Variants in CSMD1 observed in about 807,000 individuals in gnomAD.
The protein encoded by CSMD1 is CUB and sushi domain-containing protein 1.
A neutral mutation model predicts 417.5 loss-of-function variants in CSMD1; 213 were observed. The ratio of observed to expected loss-of-function variants is 0.51; its 90% confidence interval spans 0.46 to 0.57. The LOEUF is 0.57. Among genes scored for constraint, CSMD1 ranks in the 20% least tolerant of loss-of-function variants. CSMD1 has a pLI of 0.00. For missense variants in CSMD1, 6,923 were observed against 4,529.7 expected, an observed-to-expected ratio of 1.53 and a Z score of -15.17; for synonymous variants, 2,862 against 1,736.8, an observed-to-expected ratio of 1.65 and a Z score of -16.11.
chr8:3,238,720 A>G (rs1463505278), intron 26 of CSMD1, among the ~76,000 whole-genome samples: 1 of 152,192 alleles, frequency 6.6e-6, no homozygotes, highest in Non-Finnish European at 1.5e-5. Context: ...GTATTAAGGG[A>G]CTAAGAATTG....
intron 4 of CSMD1, among the ~76,000 whole-genome samples, chr8:4,014,909 A>G (rs1021550955): frequency 1.3e-5 from 2 of 152,208 alleles, no homozygotes; most frequent in African/African-American, 4.8e-5. Context: ...GCCACTTCTG[A>G]TTATTTTTTA....
At chr8:4,574,559 G>C (rs914019690) in intron 2 of CSMD1, among the ~76,000 whole-genome samples, 3 of 152,182 alleles carry the variant, frequency 2.0e-5, no homozygotes, top group Non-Finnish European at 4.4e-5. Context: ...GACGGGAGCT[G>C]TTCCTATTCG....
intron 3 of CSMD1, among the ~76,000 whole-genome samples, chr8:4,262,317 G>C (rs955671478): frequency 3.9e-5 from 6 of 152,042 alleles, no homozygotes; most frequent in Admixed American, 6.6e-5. Flanking sequence ...ACAGGCACTA[G>C]CCCTGCCTCT....
chr8:4,947,301 T>C (rs974866265), intron 1 of CSMD1, among the ~76,000 whole-genome samples: 2 of 152,206 alleles, frequency 1.3e-5, no homozygotes, highest in Non-Finnish European at 2.9e-5. Context: ...TAAGACCATT[T>C]GGTAGTTTGG....
chr8:4,638,076 A>C (rs889465517), intron 1 of CSMD1, among the ~76,000 whole-genome samples: 6 of 152,214 alleles, frequency 3.9e-5, no homozygotes, highest in African/African-American at 1.4e-4. Context: ...AAAAGAAAAT[A>C]TGCAACATTT....
At chr8:3,991,124 G>C (rs1484110314) in intron 5 of CSMD1, among the ~76,000 whole-genome samples, 3 of 152,228 alleles carry the variant, frequency 2.0e-5, no homozygotes, top group African/African-American at 7.2e-5. Flanking sequence ...AGAAAAGGTA[G>C]AGACTGGAAA....
intron 3 of CSMD1, among the ~76,000 whole-genome samples, chr8:4,247,371 A>G (rs1700099): frequency 0.77 from 116,500 of 152,024 alleles, 44,813 homozygotes; most frequent in East Asian, 1. Context: ...CTTACGAGTA[A>G]GGTAGAGTCA....
chr8:4,836,548 CAGAG>C (rs1800504418), intron 1 of CSMD1, among the ~76,000 whole-genome samples: 1 of 152,158 alleles, frequency 6.6e-6, no homozygotes, highest in African/African-American at 2.4e-5. Context: ...TATTTAGACA[CAGAG>C]AGGTTTGAAC....
chr8:3,352,039 A>T (rs1005439869), intron 21 of CSMD1, among the ~76,000 whole-genome samples: 1 of 151,978 alleles, frequency 6.6e-6, no homozygotes, highest in East Asian at 1.9e-4. Flanking sequence ...AGAAAATATG[A>T]TATTTTCCAT....
At chr8:3,421,649 T>G (rs1813494517) in intron 12 of CSMD1, among the ~76,000 whole-genome samples, 1 of 152,160 alleles carries the variant, frequency 6.6e-6, no homozygotes, top group South Asian at 2.1e-4. Context: ...GTCTTTTTCT[T>G]TTTTTTGAGA....
Position 3,669,291 on chromosome 8 carries a change from T to C in CSMD1, c.1009+39123A>G, listed in dbSNP as rs571580730. Among the ~76,000 whole-genome samples, 4 of 152,338 alleles carry C rather than the reference T, an allele frequency of 2.6e-5. No homozygotes were observed. In the South Asian group the frequency reaches 8.3e-4, roughly 32 times the overall value. ...ATCTGTGTTTTCTCATCTGTCATTT[T>C]GTCATTGTGTTGCCTGTTTGTGTGA... On this transcript the variant is annotated intron_variant, in intron 7 of 69. Coordinates refer to ENST00000635120, the MANE Select transcript of CSMD1 (RefSeq NM_033225.6).
Position 3,815,302 on chromosome 8 carries a change from T to C in CSMD1, c.819-61260A>G, listed in dbSNP as rs80085252. 1.6e-3 allele frequency among the ~76,000 whole-genome samples: 239 copies of C among 152,250 alleles called. 9 individuals are homozygous for C. The East Asian group carries it at 0.038, about 24-fold the overall frequency. ...ACAGAAGAAAGAATAACCAATGGTG[T>C]TGAGTATTAGTTCACTTCTGAACAA... On this transcript the variant is annotated intron_variant, in intron 5 of 69. Coordinates refer to ENST00000635120, the MANE Select transcript of CSMD1 (RefSeq NM_033225.6).
rs71205423 is a variant in CSMD1 at position 4,146,594 on chromosome 8, A to ATTTTTTT, written c.416-114502_416-114496dup. On this transcript the variant is annotated intron_variant, in intron 3 of 69. Transcript: ENST00000635120. The stretch of plus-strand genomic sequence containing the variant: ...TCTGTCTAAATGTTTATATGGACAC[A>ATTTTTTT]TTTTTTTTTTTTTTTTTTTTTTTTT... Among the ~76,000 whole-genome samples, 20 of 64,246 alleles carry ATTTTTTT rather than the reference A, an allele frequency of 3.1e-4. 1 individual carries two copies. Among genetic ancestry groups the ATTTTTTT allele is most frequent in the South Asian group, 5.6e-4 (1 of 1,780 alleles). 42.1% of individuals were successfully genotyped at this position (64,246 alleles called of 152,430 possible).
chr8:4,108,535 C>T (rs1801687661), intron 3 of CSMD1, among the ~76,000 whole-genome samples: 1 of 152,114 alleles, frequency 6.6e-6, no homozygotes, highest in South Asian at 2.1e-4. Flanking sequence ...ATTTGTAACC[C>T]CAACTGTTTT....
intron 12 of CSMD1, among the ~76,000 whole-genome samples, chr8:3,450,918 TAC>T (rs1815666600): frequency 6.6e-6 from 1 of 151,956 alleles, no homozygotes; most frequent in African/African-American, 2.4e-5. Flanking sequence ...TGAACTAGTT[TAC>T]AGTCTCACCA....
rs377229209 is a variant in CSMD1 at position 4,178,473 on chromosome 8, C to A, written c.416-146374G>T. Among the ~76,000 whole-genome samples the A allele has an allele frequency of 2.6e-4, 40 of 151,358 alleles. No homozygotes were observed. In the South Asian group the frequency reaches 2.7e-3, roughly 10 times the overall value. ...TCTATAACAAACCCACAGCCAATAT[C>A]ATACTGAATGGGCAAAAACTGGAAG... On this transcript the variant is annotated intron_variant, in intron 3 of 69. Coordinates refer to ENST00000635120, the MANE Select transcript of CSMD1 (RefSeq NM_033225.6).
At chr8:4,289,952 G>C (rs1418816832) in intron 3 of CSMD1, among the ~76,000 whole-genome samples, 2 of 152,202 alleles carry the variant, frequency 1.3e-5, no homozygotes, top group African/African-American at 2.4e-5. Flanking sequence ...ACCTCTTCTT[G>C]AGAGGAGACT....
At chr8:3,983,191 C>T (rs533315574) in intron 5 of CSMD1, among the ~76,000 whole-genome samples, 22 of 145,550 alleles carry the variant, frequency 1.5e-4, no homozygotes, top group African/African-American at 2.9e-4. Flanking sequence ...AGTGCAGTGG[C>T]GCGATCTCAG....
intron 37 of CSMD1, among the ~76,000 whole-genome samples, chr8:3,171,304 C>T (rs1820570110): frequency 6.6e-6 from 1 of 152,174 alleles, no homozygotes; most frequent in Non-Finnish European, 1.5e-5. Flanking sequence ...GAATAGACAA[C>T]CTGGTGACAG....
Sources: gnomAD v4.1 joint callset for allele counts (sites outside exome capture counted in the v4.1 genomes callset) on GRCh38, gnomAD v4.1.1 for gene constraint, MANE v1.5 for transcripts, NCBI Gene and HGNC (gene_info 2026-07-23, HGNC 2026-07-21) for gene names.